Variants in TENM3 observed in about 807,000 individuals in gnomAD.
The protein encoded by TENM3 is teneurin-3.
Under a neutral mutation model 255.1 loss-of-function variants are expected in TENM3, and 63 were observed. The observed-to-expected ratio is 0.25, with a 90% confidence interval of 0.20 to 0.30. The LOEUF (loss-of-function observed/expected upper bound fraction) is 0.30, where lower values mean the gene tolerates loss of function less well. Ranked by LOEUF, TENM3 falls within the 10% of genes least tolerant of loss-of-function variation. The pLI is 1.00. For synonymous variants in TENM3, 1,306 were observed against 1,322.3 expected, an observed-to-expected ratio of 0.99 and a Z score of 0.27; for missense variants, 2,929 against 3,461.1, an observed-to-expected ratio of 0.85 and a Z score of 3.86.
At chr4:182,352,550 A>G (rs1765254397) in intron 3 of TENM3, among the ~76,000 whole-genome samples, 1 of 152,140 alleles carries the variant, frequency 6.6e-6, no homozygotes, top group African/African-American at 2.4e-5. Context: ...GGACCCCACT[A>G]ATGCCACATT....
chr4:182,463,215 T>A (rs1161247954), intron 3 of TENM3, among the ~76,000 whole-genome samples: 2 of 152,198 alleles, frequency 1.3e-5, no homozygotes, highest in Non-Finnish European at 2.9e-5. Flanking sequence ...AGTAATAGTC[T>A]TGTGAGCCTA....
intron 1 of TENM3, among the ~76,000 whole-genome samples, chr4:182,277,002 A>G (rs558787273): frequency 6.6e-6 from 1 of 152,370 alleles, no homozygotes; most frequent in Admixed American, 6.5e-5. Flanking sequence ...AAGAGCAAGA[A>G]GCATTTATAA....
At chr4:182,797,433 C>G (rs1357127489) in intron 27 of TENM3, among the ~76,000 whole-genome samples, 1 of 135,670 alleles carries the variant, frequency 7.4e-6, no homozygotes, top group Admixed American at 7.0e-5. Context: ...GAGCGAAACT[C>G]CGTCTCAAAA....
chr4:181,548,728 CA>C, the TENM3 span, among the ~76,000 whole-genome samples: 65 of 152,128 alleles, frequency 4.3e-4, no homozygotes, highest in Middle Eastern at 3.4e-3. Context: ...TACCACGTGA[CA>C]ATTTTGAAAT....
chr4:182,594,806 G>A (rs568227900), intron 3 of TENM3, among the ~76,000 whole-genome samples: 4 of 150,412 alleles, frequency 2.7e-5, no homozygotes, highest in Middle Eastern at 3.4e-3. Context: ...TGCAACCTCC[G>A]CCTCCTGGGT....
chr4:182,515,654 C>T (rs1053335797), intron 3 of TENM3, among the ~76,000 whole-genome samples: 1 of 151,466 alleles, frequency 6.6e-6, no homozygotes, highest in African/African-American at 2.4e-5. Flanking sequence ...CCTCCTTAAG[C>T]AGAAGGATGA....
intron 3 of TENM3, among the ~76,000 whole-genome samples, chr4:182,564,080 A>G (rs935647325): frequency 2.0e-5 from 3 of 152,134 alleles, no homozygotes; most frequent in African/African-American, 4.8e-5. Context: ...AAGAGCCTCA[A>G]ATGCAGCCTC....
chr4:182,528,630 T>C (rs1005440428), intron 3 of TENM3, among the ~76,000 whole-genome samples: 2 of 152,156 alleles, frequency 1.3e-5, no homozygotes, highest in Non-Finnish European at 2.9e-5. Context: ...TTACGGTAAA[T>C]TATGCATTAA....
At chr4:182,198,135 T>A (rs1048888783) in intron 1 of TENM3, among the ~76,000 whole-genome samples, 9 of 151,880 alleles carry the variant, frequency 5.9e-5, no homozygotes, top group African/African-American at 2.2e-4. Flanking sequence ...AAATAAAATT[T>A]AAAAAAATAA....
intron 4 of TENM3, among the ~76,000 whole-genome samples, chr4:182,614,804 T>C (rs1186245209): frequency 7.0e-6 from 1 of 143,870 alleles, no homozygotes; most frequent in East Asian, 2.0e-4. Context: ...GAGAATTCAA[T>C]GTGGAGTATT....
chr4:182,547,527 T>C (rs939029851), intron 3 of TENM3, among the ~76,000 whole-genome samples: 2 of 152,160 alleles, frequency 1.3e-5, no homozygotes, highest in African/African-American at 2.4e-5. Context: ...CCATCAGTTA[T>C]TGAACATATT....
intron 1 of TENM3, among the ~76,000 whole-genome samples, chr4:182,199,483 G>C (rs1579685385): frequency 6.6e-6 from 1 of 152,110 alleles, no homozygotes; most frequent in Non-Finnish European, 1.5e-5. Context: ...TATCTTAGGA[G>C]CAAAAATCAT....
At chr4:181,852,651 G>A in the TENM3 span, among the ~76,000 whole-genome samples, 2 of 152,118 alleles carry the variant, frequency 1.3e-5, no homozygotes, top group Non-Finnish European at 2.9e-5. Flanking sequence ...CTTAAAAGAG[G>A]TAATGTCTAC....
chr4:181,684,843 C>A, the TENM3 span, among the ~76,000 whole-genome samples: 1 of 151,140 alleles, frequency 6.6e-6, no homozygotes, highest in Non-Finnish European at 1.5e-5. Context: ...CAGCCTCGAA[C>A]TCCTGGGCTC....
chr4:181,896,065 G>C, the TENM3 span, among the ~76,000 whole-genome samples: 1 of 152,104 alleles, frequency 6.6e-6, no homozygotes, highest in Non-Finnish European at 1.5e-5. Flanking sequence ...TAAGCACTCT[G>C]TTTAAAGAGC....
chr4:181,621,881 G>T, the TENM3 span, among the ~76,000 whole-genome samples: 4 of 152,164 alleles, frequency 2.6e-5, no homozygotes, highest in African/African-American at 9.7e-5. Context: ...AGGTGGCCCT[G>T]AACTGTGAGA....
intron 1 of TENM3, among the ~76,000 whole-genome samples, chr4:182,154,236 G>T (rs1750539112): frequency 6.6e-6 from 1 of 151,388 alleles, no homozygotes; most frequent in Non-Finnish European, 1.5e-5. Context: ...GGCTAATTTT[G>T]GTGGGAGAGT....
the TENM3 span, among the ~76,000 whole-genome samples, chr4:181,454,691 TCTGGTGTGCC>T: frequency 4.1e-4 from 62 of 149,994 alleles, no homozygotes; most frequent in South Asian, 8.5e-4. Flanking sequence ...ACTTTTTTTT[TCTGGTGTGCC>T]TTTTCTATGT....
intron 3 of TENM3, among the ~76,000 whole-genome samples, chr4:182,466,489 C>G (rs1732603087): frequency 6.6e-6 from 1 of 152,122 alleles, no homozygotes; most frequent in South Asian, 2.1e-4. Context: ...GCCACCATGC[C>G]TGGCTAATTT....
Sources: gnomAD v4.1 joint callset for allele counts (sites outside exome capture counted in the v4.1 genomes callset) on GRCh38, gnomAD v4.1.1 for gene constraint, MANE v1.5 for transcripts, NCBI Gene and HGNC (gene_info 2026-07-23, HGNC 2026-07-21) for gene names.